Variants in SLC2A13 observed in about 807,000 individuals in gnomAD.
SLC2A13 encodes proton myo-inositol cotransporter.
Under a neutral mutation model 64.4 loss-of-function variants are expected in SLC2A13, and 32 were observed. The observed-to-expected ratio is 0.50, with a 90% CI of 0.37 to 0.67. The LOEUF is 0.67. Among genes scored for constraint, SLC2A13 ranks in the 30% least tolerant of loss-of-function variants. The pLI is 0.00. For missense variants in SLC2A13, 743 were observed against 829.2 expected (o/e 0.90, Z 1.28); for synonymous variants, 338 against 327.1 (o/e 1.03, Z -0.36).
intron 7 of SLC2A13, among the ~76,000 whole-genome samples, chr12:39,772,322 GT>G (rs1940612276): frequency 6.6e-6 from 1 of 152,038 alleles, no homozygotes; most frequent in Non-Finnish European, 1.5e-5. Flanking sequence ...TCCATATAGG[GT>G]TGTTACAAAG....
chr12:39,986,674 G>C (rs28370811), intron 3 of SLC2A13, among the ~76,000 whole-genome samples: 1 of 148,016 alleles, frequency 6.8e-6, no homozygotes, highest in Non-Finnish European at 1.5e-5. Flanking sequence ...AAAAAAAAAA[G>C]ATTTTTTAAA....
At chr12:39,928,456 A>C (rs1225277489) in intron 4 of SLC2A13, among the ~76,000 whole-genome samples, 1 of 152,184 alleles carries the variant, frequency 6.6e-6, no homozygotes, top group Non-Finnish European at 1.5e-5. Flanking sequence ...GAATAAAGAA[A>C]ATAGAGCTAA....
chr12:39,928,989 C>G (rs1267851402), intron 4 of SLC2A13, among the ~76,000 whole-genome samples: 1 of 152,160 alleles, frequency 6.6e-6, no homozygotes, highest in African/African-American at 2.4e-5. Flanking sequence ...CCTCCCCACA[C>G]ATGGGGAGGA....
At chr12:40,100,969 C>CA (rs10633826) in intron 1 of SLC2A13, among the ~76,000 whole-genome samples, 32,952 of 84,640 alleles carry the variant, frequency 0.39, 7,334 homozygotes, top group Middle Eastern at 0.55. Context: ...CCATCTCAGA[C>CA]AAAAAAAAAA....
chr12:40,034,669 A>C (rs138491131), intron 2 of SLC2A13, among the ~76,000 whole-genome samples: 5 of 152,332 alleles, frequency 3.3e-5, no homozygotes, highest in Non-Finnish European at 7.4e-5. Context: ...AAGATGATGT[A>C]TTCTTTAAAA....
At position 40,047,692 on chromosome 12, in the gene SLC2A13, T is replaced by C. The variant is rs149009274; in HGVS notation, c.716+359A>G. 2.2e-3 allele frequency among the ~76,000 whole-genome samples: 337 copies of C among 152,354 alleles called. 3 individuals are homozygous for C. The highest frequency in any genetic ancestry group is 5.3e-3 in the Admixed American group (81 of 15,292). On this transcript the variant is annotated intron_variant, in intron 2 of 9. Transcript: ENST00000280871. ...TTCCAGAATGCAAAAAGGATGTTAG[T>C]TATATCTGTAGTTCATAAACAGCTT...
chr12:40,091,180 A>C (rs1276217860), intron 1 of SLC2A13, among the ~76,000 whole-genome samples: 2 of 152,206 alleles, frequency 1.3e-5, no homozygotes, highest in African/African-American at 4.8e-5. Context: ...ATGCAGTATT[A>C]TAATCTTATG....
Position 39,913,846 on chromosome 12 carries a change from T to C in SLC2A13, c.1034+37411A>G, listed in dbSNP as rs184350154. On this transcript the variant is annotated intron_variant, in intron 4 of 9. Transcript: ENST00000280871. ...TAAGCCAATATGAAAAGAATGTGAA[T>C]GACACCAGTAACAATCTAAAATATA... Among the ~76,000 whole-genome samples the C allele has an allele frequency of 7.8e-4, 118 of 152,076 alleles. 2 individuals carry two copies. Among genetic ancestry groups the C allele is most frequent in the African/African-American group, 2.7e-3 (112 of 41,466 alleles).
chr12:39,822,252 T>C (rs1186519267), intron 7 of SLC2A13, among the ~76,000 whole-genome samples: 1 of 152,120 alleles, frequency 6.6e-6, no homozygotes, highest in Non-Finnish European at 1.5e-5. Context: ...AAAATCATGC[T>C]AGCCAACTGA....
chr12:39,796,765 A>C (rs1941589746), intron 7 of SLC2A13, among the ~76,000 whole-genome samples: 1 of 152,180 alleles, frequency 6.6e-6, no homozygotes, highest in South Asian at 2.1e-4. Context: ...CCAACTAACA[A>C]TAAGAATGTA....
At chr12:40,000,454 A>G (rs1947304762) in intron 3 of SLC2A13, among the ~76,000 whole-genome samples, 1 of 152,224 alleles carries the variant, frequency 6.6e-6, no homozygotes, top group Non-Finnish European at 1.5e-5. Context: ...CTAATGACCG[A>G]CACATACACC....
chr12:39,851,832 A>G (rs980774377), intron 6 of SLC2A13, among the ~76,000 whole-genome samples: 2 of 152,200 alleles, frequency 1.3e-5, no homozygotes, highest in Non-Finnish European at 2.9e-5. Context: ...TTTATTTTCC[A>G]TCTATTTCCC....
intron 4 of SLC2A13, among the ~76,000 whole-genome samples, chr12:39,884,422 G>A (rs1409399828): frequency 6.6e-6 from 1 of 152,130 alleles, no homozygotes; most frequent in Non-Finnish European, 1.5e-5. Context: ...ACCTCTGGTT[G>A]CCTAAAACAC....
intron 6 of SLC2A13, among the ~76,000 whole-genome samples, chr12:39,832,231 A>G (rs1942873377): frequency 6.6e-6 from 1 of 152,132 alleles, no homozygotes; most frequent in Non-Finnish European, 1.5e-5. Context: ...GAACCAGACT[A>G]GGCTAATTTG....
At position 39,935,325 on chromosome 12, in the gene SLC2A13, C is replaced by T. The variant is rs371264339; in HGVS notation, c.1034+15932G>A. 2.6e-5 allele frequency among the ~76,000 whole-genome samples: 4 copies of T among 152,156 alleles called. No homozygotes were observed. The East Asian group carries it at 7.7e-4, about 29-fold the overall frequency. On this transcript the variant is annotated intron_variant, in intron 4 of 9. Transcript: ENST00000280871. Reference sequence around the variant, plus strand: ...TTATAGCCTGTCACTAATTCTAATTCTAAAGGTCAGGACTAACTTGGCAAC... The same window carrying T: ...TTATAGCCTGTCACTAATTCTAATTTTAAAGGTCAGGACTAACTTGGCAAC...
intron 1 of SLC2A13, among the ~76,000 whole-genome samples, chr12:40,095,585 G>C (rs2136301753): frequency 6.6e-6 from 1 of 152,316 alleles, no homozygotes; most frequent in South Asian, 2.1e-4. Context: ...GCACTTGGAG[G>C]TTCCTCCTAG....
chr12:39,840,117 C>T (rs541424072), intron 6 of SLC2A13, among the ~76,000 whole-genome samples: 12 of 152,022 alleles, frequency 7.9e-5, no homozygotes, highest in East Asian at 7.8e-4. Context: ...CTGCAACCTC[C>T]GCCTCCTGGG....
chr12:39,822,788 TAA>T (rs1484265729), intron 7 of SLC2A13, among the ~76,000 whole-genome samples: 4 of 152,224 alleles, frequency 2.6e-5, no homozygotes, highest in African/African-American at 9.6e-5. Flanking sequence ...CTAGAAATAT[TAA>T]GTTTGACTGA....
chr12:40,044,933 T>C (rs1160644969), intron 2 of SLC2A13, among the ~76,000 whole-genome samples: 1 of 152,172 alleles, frequency 6.6e-6, no homozygotes, highest in Non-Finnish European at 1.5e-5. Context: ...AATAAGAAGA[T>C]TTGAATCTAA....
Sources: allele counts gnomAD v4.1 joint callset (sites outside exome capture counted in the v4.1 genomes callset), GRCh38; gene constraint gnomAD v4.1.1; transcripts MANE v1.5; gene names NCBI Gene and HGNC (gene_info 2026-07-23, HGNC 2026-07-21).